SLC24A2: variants seen among roughly 807,000 people sequenced by gnomAD.
The protein encoded by SLC24A2 is sodium/potassium/calcium exchanger 2.
SLC24A2 carries 36 observed loss-of-function variants against 62.0 expected under a neutral mutation model. The ratio of observed to expected loss-of-function variants is 0.58; its 90% CI spans 0.44 to 0.77. SLC24A2 has a LOEUF of 0.77. Among genes scored for constraint, SLC24A2 ranks in the 30% least tolerant of loss-of-function variants. The pLI, the probability that SLC24A2 is intolerant of heterozygous loss-of-function variation, is 0.00. For missense variants in SLC24A2, 846 were observed against 817.9 expected (o/e 1.03, Z -0.42); for synonymous variants, 358 against 294.0 (o/e 1.22, Z -2.23).
chr9:20,025,338 A>G, the SLC24A2 span, among the ~76,000 whole-genome samples: 4 of 152,218 alleles, frequency 2.6e-5, no homozygotes, highest in Non-Finnish European at 4.4e-5. Flanking sequence ...ATGAGTGGTA[A>G]ATCAATAAAT....
the SLC24A2 span, among the ~76,000 whole-genome samples, chr9:19,965,007 A>G: frequency 6.6e-6 from 1 of 152,100 alleles, no homozygotes; most frequent in African/African-American, 2.4e-5. Flanking sequence ...CCACATGTAG[A>G]GACAACAGCC....
chr9:19,592,230 G>T (rs1836573716), intron 5 of SLC24A2, among the ~76,000 whole-genome samples: 1 of 152,122 alleles, frequency 6.6e-6, no homozygotes, highest in African/African-American at 2.4e-5. Context: ...GCAGTTGGTT[G>T]CCATGAAACA....
the SLC24A2 span, among the ~76,000 whole-genome samples, chr9:20,036,307 C>T: frequency 6.6e-6 from 1 of 152,146 alleles, no homozygotes; most frequent in Non-Finnish European, 1.5e-5. Flanking sequence ...TCCGTTACCT[C>T]AAATATTTGA....
At chr9:19,553,241 T>C (rs1434804297) in intron 7 of SLC24A2, among the ~76,000 whole-genome samples, 1 of 152,202 alleles carries the variant, frequency 6.6e-6, no homozygotes, top group Non-Finnish European at 1.5e-5. Context: ...GAGGCTTATT[T>C]TGTCTTTGTT....
chr9:20,152,821 A>G, the SLC24A2 span, among the ~76,000 whole-genome samples: 1 of 151,796 alleles, frequency 6.6e-6, no homozygotes, highest in African/African-American at 2.4e-5. Flanking sequence ...TGGGTGTAAA[A>G]TGGGGCCTTG....
rs539201597 is a variant in SLC24A2 at position 19,515,140 on chromosome 9, C to A, written c.*1013G>T. 1 of 151,950 alleles carries A rather than the reference C, an allele frequency of 6.6e-6. No homozygotes were observed. The highest frequency in any genetic ancestry group is 1.5e-5 in the Non-Finnish European group (1 of 68,002). The allele number at this position is 151,950 out of a possible 1,614,324, so 9.4% of individuals were successfully genotyped here. A position where few individuals can be genotyped will look rare whatever the true frequency, so the allele number is the denominator to read the frequency against. ...CTTCTTTTGATGATAATGGGACATG[C>A]GCTGGAAAAATACAGGTTCAGTTTA... On this transcript the variant is annotated 3_prime_UTR_variant, in exon 11 of 11. Transcript: ENST00000341998.
the SLC24A2 span, among the ~76,000 whole-genome samples, chr9:20,042,739 T>C: frequency 6.6e-6 from 1 of 152,260 alleles, no homozygotes; most frequent in Admixed American, 6.5e-5. Context: ...ATGTGCCATT[T>C]TTCCAACAGC....
chr9:19,990,922 G>GATATATATATATATATATATATATAT, the SLC24A2 span, among the ~76,000 whole-genome samples: 232 of 120,646 alleles, frequency 1.9e-3, 4 homozygotes, highest in African/African-American at 7.7e-3. Context: ...GGACTAATAG[G>GATATATATATATATATATATATATAT]ATATATATAT....
chr9:19,922,830 C>T, the SLC24A2 span, among the ~76,000 whole-genome samples: 1 of 152,028 alleles, frequency 6.6e-6, no homozygotes, highest in Non-Finnish European at 1.5e-5. Flanking sequence ...CTCAGGTGAT[C>T]AGAGACAACT....
the SLC24A2 span, among the ~76,000 whole-genome samples, chr9:20,299,161 GC>G: frequency 6.6e-6 from 1 of 152,182 alleles, no homozygotes; most frequent in African/African-American, 2.4e-5. Context: ...AGCAGGCAGG[GC>G]AGGCCCATTA....
At chr9:20,032,483 T>C in the SLC24A2 span, among the ~76,000 whole-genome samples, 2 of 152,244 alleles carry the variant, frequency 1.3e-5, no homozygotes, top group African/African-American at 4.8e-5. Context: ...CTGTGTTTTA[T>C]AATTATCTGC....
the SLC24A2 span, among the ~76,000 whole-genome samples, chr9:20,204,984 A>T: frequency 6.6e-6 from 1 of 151,864 alleles, no homozygotes. Context: ...TAACCTCATG[A>T]TCCACCTCCC....
the SLC24A2 span, among the ~76,000 whole-genome samples, chr9:19,838,768 T>TAAA: frequency 1.5e-5 from 2 of 137,452 alleles, no homozygotes; most frequent in Non-Finnish European, 3.1e-5. Flanking sequence ...TTTCCTAATT[T>TAAA]AAAAAAAAAA....
intron 2 of SLC24A2, among the ~76,000 whole-genome samples, chr9:19,667,064 T>C (rs1201893756): frequency 6.6e-6 from 1 of 152,162 alleles, no homozygotes; most frequent in Non-Finnish European, 1.5e-5. Context: ...TAAATCTAGA[T>C]GCCATTATTA....
At chr9:20,051,324 C>A in the SLC24A2 span, among the ~76,000 whole-genome samples, 1 of 151,874 alleles carries the variant, frequency 6.6e-6, no homozygotes, top group Non-Finnish European at 1.5e-5. Context: ...TTTTGGTAGA[C>A]CTAACATAAA....
At chr9:19,658,708 T>C (rs1262828010) in intron 2 of SLC24A2, among the ~76,000 whole-genome samples, 3 of 152,184 alleles carry the variant, frequency 2.0e-5, no homozygotes, top group South Asian at 2.1e-4. Context: ...GGCTTCCTAT[T>C]GGACTCAATC....
chr9:20,012,322 G>A, the SLC24A2 span, among the ~76,000 whole-genome samples: 29 of 152,080 alleles, frequency 1.9e-4, no homozygotes, highest in Admixed American at 1.7e-3. Context: ...GCTTGTGCAG[G>A]GAAACTCCCC....
chr9:19,521,842 GA>G (rs1241441546), intron 9 of SLC24A2, among the ~76,000 whole-genome samples: 1 of 151,692 alleles, frequency 6.6e-6, no homozygotes, highest in Non-Finnish European at 1.5e-5. Flanking sequence ...AAAGCAAGGG[GA>G]GGGTGGCTAT....
chr9:19,885,407 G>A, the SLC24A2 span, among the ~76,000 whole-genome samples: 3 of 152,194 alleles, frequency 2.0e-5, no homozygotes, highest in Non-Finnish European at 4.4e-5. Flanking sequence ...GGATGATGAT[G>A]CTTTAATGTA....
Sources: gnomAD v4.1 joint callset for allele counts (sites outside exome capture counted in the v4.1 genomes callset) on GRCh38, gnomAD v4.1.1 for gene constraint, MANE v1.5 for transcripts, NCBI Gene and HGNC (gene_info 2026-07-23, HGNC 2026-07-21) for gene names.